Variants in GALNT18 observed in about 807,000 individuals in gnomAD.
The protein encoded by GALNT18 is polypeptide N-acetylgalactosaminyltransferase 18.
A neutral mutation model predicts 69.5 loss-of-function variants in GALNT18; 44 were observed. The observed-to-expected ratio is 0.63, with a 90% CI of 0.50 to 0.81. The LOEUF (loss-of-function observed/expected upper bound fraction) is 0.81. Ranked by LOEUF, GALNT18 falls within the 40% of genes least tolerant of loss-of-function variation. The pLI is 0.00. For synonymous variants in GALNT18, 364 were observed against 318.2 expected (o/e 1.14, Z -1.53); for missense variants, 715 against 810.0 (o/e 0.88, Z 1.42).
At chr11:11,483,535 C>T (rs1449383434) in intron 1 of GALNT18, among the ~76,000 whole-genome samples, 2 of 152,210 alleles carry the variant, frequency 1.3e-5, no homozygotes, top group African/African-American at 4.8e-5. Flanking sequence ...AAGCCAATGG[C>T]AGATGGATCT....
intron 3 of GALNT18, among the ~76,000 whole-genome samples, chr11:11,388,795 G>T (rs1431031753): frequency 6.6e-6 from 1 of 152,184 alleles, no homozygotes; most frequent in African/African-American, 2.4e-5. Context: ...ACTCAACAAT[G>T]ATATATTATG....
At chr11:11,300,018 T>C (rs1849466854) in intron 9 of GALNT18, among the ~76,000 whole-genome samples, 1 of 152,202 alleles carries the variant, frequency 6.6e-6, no homozygotes, top group African/African-American at 2.4e-5. Context: ...AATCATGGGA[T>C]GGGCAGAGGG....
At position 11,614,125 on chromosome 11, in the gene GALNT18, G is replaced by C. The variant is rs139960988; in HGVS notation, c.235+7234C>G. Among the ~76,000 whole-genome samples the C allele has an allele frequency of 7.4e-4, 113 of 152,248 alleles. No homozygotes were observed. The highest frequency in any genetic ancestry group is 1.9e-4 in the Non-Finnish European group (13 of 68,000). On this transcript the variant is annotated intron_variant, in intron 1 of 10. Transcript: ENST00000227756. The surrounding 1 kb of genome is among the most constrained non-coding windows in gnomAD (Gnocchi z 5.6). Reference sequence around the variant, plus strand: ...AGACCCAAATCAAGACAATAGCTTTGTATTAGTCCATTTTGCATTGCTATA... The same window carrying C: ...AGACCCAAATCAAGACAATAGCTTTCTATTAGTCCATTTTGCATTGCTATA...
chr11:11,545,777 C>T (rs972719104), intron 1 of GALNT18, among the ~76,000 whole-genome samples: 3 of 152,168 alleles, frequency 2.0e-5, no homozygotes, highest in Admixed American at 1.3e-4. Flanking sequence ...GAAGAAGCTC[C>T]CTGGGGGATG....
At chr11:11,593,820 C>T (rs1366530527) in intron 1 of GALNT18, among the ~76,000 whole-genome samples, 8 of 152,138 alleles carry the variant, frequency 5.3e-5, no homozygotes, top group Non-Finnish European at 8.8e-5. Flanking sequence ...TTCTCAATTG[C>T]ACTGTCAAGT....
intron 1 of GALNT18, among the ~76,000 whole-genome samples, chr11:11,482,736 G>T (rs4910359): frequency 0.48 from 73,548 of 152,062 alleles, 17,928 homozygotes; most frequent in South Asian, 0.57. Context: ...GTGATGGGCT[G>T]GTACATCAGT....
At chr11:11,581,197 G>C (rs1859072879) in intron 1 of GALNT18, among the ~76,000 whole-genome samples, 1 of 152,236 alleles carries the variant, frequency 6.6e-6, no homozygotes, top group Non-Finnish European at 1.5e-5. Context: ...GGCTGGAGTA[G>C]GGGCCCCGAC....
chr11:11,291,206 C>G (rs1564882354), intron 10 of GALNT18, among the ~76,000 whole-genome samples: 1 of 152,042 alleles, frequency 6.6e-6, no homozygotes. Flanking sequence ...TCTGGTGTTT[C>G]CACAGAGAGG....
At chr11:11,380,022 T>C (rs907444477) in intron 3 of GALNT18, among the ~76,000 whole-genome samples, 2 of 152,254 alleles carry the variant, frequency 1.3e-5, no homozygotes, top group Non-Finnish European at 2.9e-5. Flanking sequence ...GCCCTCACAG[T>C]TGGTTGGACA....
In GALNT18 at chr11:11,575,115, T is replaced by A. The variant is rs532586472; in HGVS notation, c.235+46244A>T. 7.9e-5 allele frequency among the ~76,000 whole-genome samples: 12 copies of A among 152,296 alleles called. No individual in the cohort carries two copies. The South Asian group carries it at 2.1e-3, about 26-fold the overall frequency. On this transcript the variant is annotated intron_variant, in intron 1 of 10. Transcript: ENST00000227756. The stretch of plus-strand genomic sequence containing the variant: ...TAGAGCTTCCAGGGTCCAAGCTCAT[T>A]ACCATGAACACAACTAATTCCTGGC...
intron 1 of GALNT18, among the ~76,000 whole-genome samples, chr11:11,530,003 A>G (rs35820714): frequency 0.23 from 34,823 of 151,938 alleles, 4,434 homozygotes; most frequent in Non-Finnish European, 0.27. Flanking sequence ...AGACAGCTCA[A>G]GTGTCACAGA....
At chr11:11,428,178 G>A (rs573702409) in intron 3 of GALNT18, among the ~76,000 whole-genome samples, 3 of 152,328 alleles carry the variant, frequency 2.0e-5, no homozygotes, top group East Asian at 1.9e-4. Context: ...GCAGCTCCCC[G>A]CGTGGAGTCT....
intron 3 of GALNT18, among the ~76,000 whole-genome samples, chr11:11,385,106 A>G (rs1854016308): frequency 6.6e-6 from 1 of 152,082 alleles, no homozygotes; most frequent in South Asian, 2.1e-4. Context: ...CAGAGATCAC[A>G]TGGTGAGCAG....
At chr11:11,294,030 C>T (rs962542664) in intron 9 of GALNT18, among the ~76,000 whole-genome samples, 1 of 152,152 alleles carries the variant, frequency 6.6e-6, no homozygotes, top group South Asian at 2.1e-4. Context: ...TGGGGAGTCC[C>T]CAAGACCACC....
At chr11:11,615,732 G>A (rs1019778602) in intron 1 of GALNT18, among the ~76,000 whole-genome samples, 4 of 152,038 alleles carry the variant, frequency 2.6e-5, no homozygotes, top group African/African-American at 9.7e-5. Context: ...GAAGACAGTG[G>A]AGTTTTGTTG....
Position 11,439,714 on chromosome 11 carries a change from G to A in GALNT18, c.429-6927C>T, listed in dbSNP as rs1855494676. Among the ~76,000 whole-genome samples the A allele has an allele frequency of 6.6e-6, 1 of 152,194 alleles. No homozygotes were observed. The highest frequency in any genetic ancestry group is 2.4e-5 in the African/African-American group (1 of 41,436). ...GAATGCACCTGGTGATGGGCTGAGT[G>A]AACACATGAATAAATGAACAGCAGA... On this transcript the variant is annotated intron_variant, in intron 2 of 10. Coordinates refer to ENST00000227756, the MANE Select transcript of GALNT18 (RefSeq NM_198516.3). This position sits in a 1 kb window ranked among gnomAD's most constrained non-coding sequence, Gnocchi z 4.4.
intron 1 of GALNT18, among the ~76,000 whole-genome samples, chr11:11,513,291 C>T (rs1391872182): frequency 6.6e-6 from 1 of 152,212 alleles, no homozygotes; most frequent in African/African-American, 2.4e-5. Context: ...AGATACGAGG[C>T]TTGAAGAAAA....
intron 10 of GALNT18, among the ~76,000 whole-genome samples, chr11:11,287,029 G>T (rs576451357): frequency 2.6e-5 from 4 of 152,098 alleles, no homozygotes; most frequent in African/African-American, 9.7e-5. Context: ...CTCACCACCT[G>T]CCCAAGCCAT....
At chr11:11,364,492 T>C (rs1850714719) in intron 6 of GALNT18, among the ~76,000 whole-genome samples, 1 of 152,112 alleles carries the variant, frequency 6.6e-6, no homozygotes, top group Non-Finnish European at 1.5e-5. Context: ...CAAGAAAATC[T>C]AGACTGTGAG....
Sources: allele counts gnomAD v4.1 joint callset (sites outside exome capture counted in the v4.1 genomes callset), GRCh38; gene constraint gnomAD v4.1.1; non-coding constraint Gnocchi (gnomAD v3.1); transcripts MANE v1.5; gene names NCBI Gene and HGNC (gene_info 2026-07-23, HGNC 2026-07-21).